Variants in TMEFF2 observed in about 807,000 individuals in gnomAD.
TMEFF2 encodes the protein tomoregulin-2.
In TMEFF2, 28 loss-of-function variants were observed where a neutral mutation model predicts 53.8. The ratio of observed to expected loss-of-function variants is 0.52; its 90% CI spans 0.39 to 0.71. TMEFF2 has a LOEUF of 0.71. TMEFF2 is among the 30% of genes least tolerant of loss of function. The pLI is 0.00. For missense variants in TMEFF2, 353 were observed against 455.2 expected, an observed-to-expected ratio of 0.78 and a Z score of 2.04; for synonymous variants, 162 against 166.3, an observed-to-expected ratio of 0.97 and a Z score of 0.20.
chr2:192,192,287 C>T (rs1691481064), intron 1 of TMEFF2, among the ~76,000 whole-genome samples: 1 of 141,226 alleles, frequency 7.1e-6, no homozygotes, highest in African/African-American at 2.5e-5. Flanking sequence ...ACATTTGCTT[C>T]CTGTTTTTTT....
intron 4 of TMEFF2, among the ~76,000 whole-genome samples, chr2:192,110,648 C>T (rs1689251583): frequency 6.6e-6 from 1 of 152,178 alleles, no homozygotes; most frequent in Non-Finnish European, 1.5e-5. Flanking sequence ...AATTCTAGCA[C>T]ATCTCTTTGT....
chr2:192,180,806 A>C (rs1427523447), intron 3 of TMEFF2, among the ~76,000 whole-genome samples: 1 of 151,748 alleles, frequency 6.6e-6, no homozygotes, highest in Non-Finnish European at 1.5e-5. Context: ...CCTTCCCAGC[A>C]GCCCTCCTGT....
At chr2:192,024,113 A>G (rs375469763) in intron 5 of TMEFF2, among the ~76,000 whole-genome samples, 1 of 152,162 alleles carries the variant, frequency 6.6e-6, no homozygotes, top group African/African-American at 2.4e-5. Context: ...TATTCATGTG[A>G]TAATTTTGAA....
At chr2:192,134,570 C>T (rs572367255) in intron 4 of TMEFF2, among the ~76,000 whole-genome samples, 30 of 152,266 alleles carry the variant, frequency 2.0e-4, no homozygotes, top group African/African-American at 6.5e-4. Flanking sequence ...TATTCTACTA[C>T]TCCTCAAGGA....
intron 4 of TMEFF2, among the ~76,000 whole-genome samples, chr2:192,090,670 C>T (rs1340627794): frequency 6.6e-6 from 1 of 152,062 alleles, no homozygotes; most frequent in African/African-American, 2.4e-5. Flanking sequence ...GTCAAATTTG[C>T]CCATTGTATT....
At chr2:192,042,860 A>G (rs1199298593) in intron 5 of TMEFF2, among the ~76,000 whole-genome samples, 2 of 152,162 alleles carry the variant, frequency 1.3e-5, no homozygotes, top group Non-Finnish European at 2.9e-5. Flanking sequence ...AGACCTACTC[A>G]CACACACCAA....
chr2:191,951,368 CAT>C (rs750272758), intron 9 of TMEFF2, among the ~76,000 whole-genome samples: 16 of 151,810 alleles, frequency 1.1e-4, no homozygotes, highest in Non-Finnish European at 1.6e-4. Flanking sequence ...TTTTGTGACA[CAT>C]GTGGTGTTTA....
At chr2:192,008,066 A>G (rs1686543232) in intron 5 of TMEFF2, among the ~76,000 whole-genome samples, 3 of 152,136 alleles carry the variant, frequency 2.0e-5, no homozygotes. Flanking sequence ...CCTCATAGGG[A>G]GAGTTTTCTG....
chr2:192,171,883 A>C (rs1441863508), intron 4 of TMEFF2, among the ~76,000 whole-genome samples: 1 of 152,014 alleles, frequency 6.6e-6, no homozygotes, highest in African/African-American at 2.4e-5. Context: ...CCAAGAAATA[A>C]GTTCTACAAG....
chr2:192,152,054 T>G (rs1048197086), intron 4 of TMEFF2, among the ~76,000 whole-genome samples: 1 of 151,668 alleles, frequency 6.6e-6, no homozygotes, highest in African/African-American at 2.4e-5. Flanking sequence ...AATTATGAGG[T>G]GGTAATCCGG....
Position 192,037,622 on chromosome 2 carries a change from G to A in TMEFF2, c.536+20057C>T, listed in dbSNP as rs1041036392. 1.3e-4 allele frequency among the ~76,000 whole-genome samples: 13 copies of A among 96,414 alleles called. No individual in the cohort carries two copies. In the South Asian group the frequency reaches 4.2e-3, roughly 31 times the overall value. The allele number at this position is 96,414 out of a possible 152,430, so 63.3% of individuals were successfully genotyped here. A position where few individuals can be genotyped will look rare whatever the true frequency, so the allele number is the denominator to read the frequency against. On this transcript the variant is annotated intron_variant, in intron 5 of 9. Transcript: ENST00000272771. The stretch of plus-strand genomic sequence containing the variant: ...TGTGCGTGTGTGAGAGAGAAAGAGA[G>A]AGAGGAGAGAAAGAGAGAGAAAGAG...
chr2:191,991,339 A>G lies in TMEFF2; in HGVS notation c.745+6923T>C, dbSNP rs182797465. 3.9e-5 allele frequency among the ~76,000 whole-genome samples: 6 copies of G among 152,234 alleles called. No homozygotes were observed. The East Asian group carries it at 9.6e-4, about 24-fold the overall frequency. On this transcript the variant is annotated intron_variant, in intron 7 of 9. Transcript: ENST00000272771. Reference sequence around the variant, plus strand: ...AACTCTGAACACATATCATACAGATAGACTATATTCCATAAAATGTGCTCT... The same window carrying G: ...AACTCTGAACACATATCATACAGATGGACTATATTCCATAAAATGTGCTCT...
intron 4 of TMEFF2, among the ~76,000 whole-genome samples, chr2:192,105,709 A>G (rs1689130524): frequency 6.6e-6 from 1 of 152,000 alleles, no homozygotes; most frequent in Admixed American, 6.6e-5. Context: ...TGCCATAATA[A>G]AACTAATTCC....
chr2:191,969,200 G>C (rs1430849388), intron 7 of TMEFF2, among the ~76,000 whole-genome samples: 1 of 149,778 alleles, frequency 6.7e-6, no homozygotes, highest in Non-Finnish European at 1.5e-5. Flanking sequence ...GACAGAGACT[G>C]ACACAAAGTG....
intron 4 of TMEFF2, among the ~76,000 whole-genome samples, chr2:192,074,320 G>T (rs1024571252): frequency 2.0e-5 from 3 of 151,882 alleles, no homozygotes; most frequent in Non-Finnish European, 4.4e-5. Context: ...TGAGGAAAAG[G>T]GGTGGTGAGA....
At chr2:192,145,299 G>A (rs572648443) in intron 4 of TMEFF2, among the ~76,000 whole-genome samples, 3 of 151,864 alleles carry the variant, frequency 2.0e-5, no homozygotes, top group South Asian at 2.1e-4. Context: ...ATTCAGTAAC[G>A]AATGTCACGA....
At chr2:191,964,344 CTT>C (rs1559063323) in intron 7 of TMEFF2, among the ~76,000 whole-genome samples, 4 of 77,692 alleles carry the variant, frequency 5.1e-5, no homozygotes, top group South Asian at 8.2e-4. Flanking sequence ...TTCTTTCTTT[CTT>C]TCTTTCTTTC....
chr2:192,098,216 T>C (rs538315155), intron 4 of TMEFF2, among the ~76,000 whole-genome samples: 3 of 152,314 alleles, frequency 2.0e-5, no homozygotes, highest in African/African-American at 7.2e-5. Context: ...GAGTGCCAGG[T>C]AACATTCTAT....
At chr2:191,969,626 G>A (rs998826947) in intron 7 of TMEFF2, among the ~76,000 whole-genome samples, 1 of 152,138 alleles carries the variant, frequency 6.6e-6, no homozygotes, top group African/African-American at 2.4e-5. Flanking sequence ...GTTTGTGTAT[G>A]TCTCCTGAAT....
Sources: gnomAD v4.1 joint callset for allele counts (sites outside exome capture counted in the v4.1 genomes callset) on GRCh38, gnomAD v4.1.1 for gene constraint, MANE v1.5 for transcripts, NCBI Gene and HGNC (gene_info 2026-07-23, HGNC 2026-07-21) for gene names.